The following PSD3 variants were observed in gnomAD, a reference collection of about 807,000 sequenced individuals.
PSD3 encodes the protein PH and SEC7 domain-containing protein 3.
A neutral mutation model predicts 105.5 loss-of-function variants in PSD3; 49 were observed. The ratio of observed to expected loss-of-function variants is 0.46; its 90% CI spans 0.37 to 0.59. The LOEUF (loss-of-function observed/expected upper bound fraction) is 0.59. PSD3 is among the 20% of genes least tolerant of loss of function. PSD3 has a pLI of 0.00. For synonymous variants in PSD3, 557 were observed against 457.8 expected, an observed-to-expected ratio of 1.22 and a Z score of -2.77; for missense variants, 1,561 against 1,263.8, an observed-to-expected ratio of 1.24 and a Z score of -3.57.
Position 18,684,019 on chromosome 8 carries a change from C to T in PSD3, c.2173-28334G>A, listed in dbSNP as rs527837025. ...AGGCTCTCACGCTGGAGGAACTCTG[C>T]GGGGTTGTGCCTGAGCAGCTCCTGA... On this transcript the variant is annotated intron_variant, in intron 9 of 15. Transcript: ENST00000327040. 7 of 682,380 alleles carry T rather than the reference C, an allele frequency of 1.0e-5. No individual in the cohort carries two copies. The African/African-American group carries it at 1.2e-4, about 12-fold the overall frequency. 42.3% of individuals were successfully genotyped at this position (682,380 alleles called of 1,614,324 possible).
chr8:18,938,641 A>G (rs1438217950), intron 1 of PSD3, among the ~76,000 whole-genome samples: 5 of 152,028 alleles, frequency 3.3e-5, no homozygotes, highest in African/African-American at 1.2e-4. Flanking sequence ...AAAAAAAAAA[A>G]AAAAGAGGGA....
intron 1 of PSD3, among the ~76,000 whole-genome samples, chr8:19,074,595 ATATATATATATATATATTT>A (rs1829388072): frequency 3.3e-4 from 4 of 12,096 alleles, no homozygotes; most frequent in South Asian, 4.5e-3. Flanking sequence ...ATATATACAT[ATATATATATATATATATTT>A]TTTTTTTTTT....
At position 18,913,084 on chromosome 8, in the gene PSD3, CAA is replaced by C. The variant is rs1337276077; in HGVS notation, c.130+22948_130+22949del. On this transcript the variant is annotated intron_variant, in intron 2 of 15. Transcript: ENST00000327040. Reference sequence around the variant, plus strand: ...AACTTTATAAACACACACACACACACAAACACACACACACACACACACACACA... The same window carrying C: ...AACTTTATAAACACACACACACACACACACACACACACACACACACACACA... Among the ~76,000 whole-genome samples, 252 of 103,812 alleles carry C rather than the reference CAA, an allele frequency of 2.4e-3. 2 individuals are homozygous for C. The highest frequency in any genetic ancestry group is 8.4e-3 in the African/African-American group (220 of 26,322). 68.1% of individuals were successfully genotyped at this position (103,812 alleles called of 152,430 possible). A position where few individuals can be genotyped will look rare whatever the true frequency, so the allele number is the denominator to read the frequency against.
intron 2 of PSD3, among the ~76,000 whole-genome samples, chr8:18,932,744 T>C (rs534764006): frequency 7.2e-5 from 11 of 152,340 alleles, no homozygotes; most frequent in African/African-American, 2.6e-4. Context: ...TGGTAATCTT[T>C]CTGAACTTAT....
intron 1 of PSD3, among the ~76,000 whole-genome samples, chr8:19,083,913 T>A (rs191892278): frequency 9.2e-5 from 14 of 152,328 alleles, no homozygotes; most frequent in African/African-American, 3.4e-4. Flanking sequence ...TTCCTTCTGG[T>A]GTTCCCCTAT....
At chr8:18,733,273 T>G (rs1011437565) in intron 9 of PSD3, 1 of 152,178 alleles carries the variant, frequency 6.6e-6, no homozygotes, top group African/African-American at 2.4e-5. Flanking sequence ...GAGGTTCTAC[T>G]TTTTAGGGTC....
chr8:19,000,609 G>C (rs1441444088), intron 1 of PSD3: 3 of 151,788 alleles, frequency 2.0e-5, no homozygotes, highest in East Asian at 3.9e-4. Flanking sequence ...ATTTGCAAGA[G>C]AGCTATTAAT....
rs11293600 is a variant in PSD3 at position 18,647,605 on chromosome 8, G to GT, written c.2216+8036dup. 5.0e-3 allele frequency among the ~76,000 whole-genome samples: 585 copies of GT among 117,712 alleles called. 1 individual carries two copies. Among genetic ancestry groups the GT allele is most frequent in the African/African-American group, 0.011 (371 of 32,358 alleles). The allele number at this position is 117,712 out of a possible 152,430, so 77.2% of individuals were successfully genotyped here. A position where few individuals can be genotyped will look rare whatever the true frequency, so the allele number is the denominator to read the frequency against. The stretch of plus-strand genomic sequence containing the variant: ...ATCCAGAAGTTCATTATTTAAAACT[G>GT]TTTTTTTTTTTTTTTTGGCTGACTT... On this transcript the variant is annotated intron_variant, in intron 10 of 15. Coordinates refer to ENST00000327040, the MANE Select transcript of PSD3 (RefSeq NM_015310.4).
intron 1 of PSD3, among the ~76,000 whole-genome samples, chr8:18,955,112 G>C (rs1823482946): frequency 1.3e-5 from 2 of 152,174 alleles, no homozygotes; most frequent in African/African-American, 4.8e-5. Flanking sequence ...CAGATGTTGT[G>C]GCTGCTTGAG....
chr8:18,774,781 T>C, intron 8 of PSD3: 1 of 416,614 alleles, frequency 2.4e-6, no homozygotes, highest in Admixed American at 2.7e-5. Flanking sequence ...ATGACTACAA[T>C]CTAAGAGAAC....
At chr8:18,727,831 T>C (rs1173323519) in intron 9 of PSD3, among the ~76,000 whole-genome samples, 1 of 152,108 alleles carries the variant, frequency 6.6e-6, no homozygotes, top group African/African-American at 2.4e-5. Context: ...CCATTCAAAG[T>C]CCAAGTTTGT....
chr8:18,819,365 C>T (rs1413550308), intron 4 of PSD3, among the ~76,000 whole-genome samples: 1 of 152,066 alleles, frequency 6.6e-6, no homozygotes, highest in African/African-American at 2.4e-5. Flanking sequence ...GATCATGAGC[C>T]TTCATGAAGG....
chr8:18,789,200 A>G (rs549148798), intron 8 of PSD3, among the ~76,000 whole-genome samples: 8 of 152,332 alleles, frequency 5.3e-5, no homozygotes, highest in Middle Eastern at 3.4e-3. Flanking sequence ...CCAGATGTCC[A>G]TGAGGTCAAC....
rs188655108 is a variant in PSD3 at position 18,769,913 on chromosome 8, G to A, written c.2083-4375C>T. ...AATGTTTAGACTATTTTCTTTTTTT[G>A]GCTATTATAAATAATGCTGCTATAA... On this transcript the variant is annotated intron_variant, in intron 8 of 15. Coordinates refer to ENST00000327040, the MANE Select transcript of PSD3 (RefSeq NM_015310.4). Among the ~76,000 whole-genome samples the A allele has an allele frequency of 4.6e-5, 7 of 151,904 alleles. 1 individual carries two copies. In the East Asian group the frequency reaches 1.4e-3, roughly 29 times the overall value.
chr8:18,641,885 T>C (rs1362619317), intron 10 of PSD3, among the ~76,000 whole-genome samples: 4 of 151,950 alleles, frequency 2.6e-5, no homozygotes, highest in East Asian at 1.9e-4. Context: ...GAGTCTAAAA[T>C]GGATCTTTGT....
chr8:18,562,471 C>G (rs1023612750), intron 14 of PSD3, among the ~76,000 whole-genome samples: 2 of 152,192 alleles, frequency 1.3e-5, no homozygotes, highest in Non-Finnish European at 2.9e-5. Flanking sequence ...CTTGACAGAT[C>G]AATCCTGAAC....
In PSD3 at chr8:18,835,804, G is replaced by T. The variant is rs138774176; in HGVS notation, c.1635-30906C>A. 1.0e-3 allele frequency among the ~76,000 whole-genome samples: 157 copies of T among 152,298 alleles called. 1 individual carries two copies. Among genetic ancestry groups the T allele is most frequent in the African/African-American group, 3.7e-3 (155 of 41,552 alleles). ...CGGCGTGCTCAGAAATGGCCAAAGA[G>T]GCCAATGCAACTGAAGCAGAGTGAG... On this transcript the variant is annotated intron_variant, in intron 4 of 15. Transcript: ENST00000327040.
At chr8:19,044,762 C>G (rs1422799159) in intron 1 of PSD3, among the ~76,000 whole-genome samples, 1 of 152,056 alleles carries the variant, frequency 6.6e-6, no homozygotes, top group Non-Finnish European at 1.5e-5. Context: ...TCAGTGGTAC[C>G]ATAAAGCCTT....
chr8:18,905,383 G>C (rs375126134), intron 2 of PSD3, among the ~76,000 whole-genome samples: 4 of 152,126 alleles, frequency 2.6e-5, no homozygotes, highest in African/African-American at 4.8e-5. Flanking sequence ...GAGTGCAGTG[G>C]CGCGATCTCA....
Sources: gnomAD v4.1 joint callset for allele counts (sites outside exome capture counted in the v4.1 genomes callset) on GRCh38, gnomAD v4.1.1 for gene constraint, MANE v1.5 for transcripts, NCBI Gene and HGNC (gene_info 2026-07-23, HGNC 2026-07-21) for gene names.